Variants in ANKRD12 observed in about 807,000 individuals in gnomAD.
The protein encoded by ANKRD12 is ankyrin repeat domain-containing protein 12.
Under a neutral mutation model 183.4 loss-of-function variants are expected in ANKRD12, and 85 were observed. That is an observed-to-expected ratio of 0.46 (90% CI 0.39 to 0.56). The LOEUF is 0.56. Among genes scored for constraint, ANKRD12 ranks in the 20% least tolerant of loss-of-function variants. ANKRD12 has a pLI of 0.00. For synonymous variants in ANKRD12, 914 were observed against 800.2 expected (o/e 1.14, Z -2.40); for missense variants, 2,405 against 2,357.1 (o/e 1.02, Z -0.42).
chr18:9,148,386 C>T (rs2078565111), intron 1 of ANKRD12, among the ~76,000 whole-genome samples: 2 of 152,088 alleles, frequency 1.3e-5, no homozygotes, highest in Admixed American at 6.6e-5. Flanking sequence ...GTAAATATAA[C>T]TGCCCATATT....
At position 9,257,984 on chromosome 18, in the gene ANKRD12, T is replaced by G; in HGVS notation, c.4717T>G (p.Ser1573Ala). The G allele has an allele frequency of 6.2e-7, 1 of 1,613,774 alleles. No homozygotes were observed. The highest frequency in any genetic ancestry group is 8.5e-7 in the Non-Finnish European group (1 of 1,179,922). The change falls in exon 9 of 13, where the codon TCA (serine) becomes GCA (alanine). Residue 1573 changes from serine (S) to alanine (A), a missense_variant. Physicochemically the swap from Ser to Ala is moderately conservative, Grantham distance 99. Transcript: ENST00000262126. ...CTCTGACAGCACTATTCAAGAAGCA[T>G]CACCAAACTTTGAGAAAGCTTATAC... Reference protein sequence around the residue: ...VYSDSTIQEASPNFEKAYTLP... With the variant: ...VYSDSTIQEAAPNFEKAYTLP...
At chr18:9,158,619 C>A (rs908662948) in intron 1 of ANKRD12, among the ~76,000 whole-genome samples, 1 of 152,202 alleles carries the variant, frequency 6.6e-6, no homozygotes, top group Non-Finnish European at 1.5e-5. Context: ...TGACTTAGCA[C>A]TATTAGCATT....
chr18:9,258,074 CATT>C lies in ANKRD12; in HGVS notation c.4810_4812del (p.Tyr1604del), dbSNP rs747631185. ...TGATGCCTCTACCCAGCTAAATACA[CATT>C]ATGCATTTAGCAAACTAACTTACAA... On this transcript the variant is annotated inframe_deletion, in exon 9 of 13. Coordinates refer to ENST00000262126, the MANE Select transcript of ANKRD12 (RefSeq NM_015208.5). 3 of 1,613,260 alleles carry C rather than the reference CATT, an allele frequency of 1.9e-6. No homozygotes were observed. The highest frequency in any genetic ancestry group is 1.7e-6 in the Non-Finnish European group (2 of 1,179,930).
At chr18:9,210,191 A>ACC (rs141585415) in intron 5 of ANKRD12, among the ~76,000 whole-genome samples, 3,844 of 152,240 alleles carry the variant, frequency 0.025, 74 homozygotes, top group Non-Finnish European at 0.033. Flanking sequence ...TTTATTCATT[A>ACC]GATAAGTCTT....
At chr18:9,147,065 C>T (rs2078516332) in intron 1 of ANKRD12, among the ~76,000 whole-genome samples, 3 of 152,104 alleles carry the variant, frequency 2.0e-5, no homozygotes. Context: ...CTTGTAGGGA[C>T]ACAACTTGCA....
At chr18:9,184,498 T>G (rs1465472376) in intron 2 of ANKRD12, among the ~76,000 whole-genome samples, 1 of 151,974 alleles carries the variant, frequency 6.6e-6, no homozygotes, top group African/African-American at 2.4e-5. Context: ...GCTCAAGCAA[T>G]CCTTCCACCT....
chr18:9,208,799 T>C lies in ANKRD12; in HGVS notation c.447T>C (p.Ser149=). 1 of 1,583,014 alleles carries C rather than the reference T, an allele frequency of 6.3e-7. No individual in the cohort carries two copies. The change falls in exon 5 of 13, where the codon AGT becomes AGC. Residue 149 remains serine, a synonymous_variant. Transcript: ENST00000262126. ...LLMQMTARDN[S]PDSTPNHPSQ... is the part of the protein sequence containing the mutation. ...TGCAGATGACAGCAAGAGACAACAG[T>C]CCAGGTGATACCTACCATCATTGAG...
At chr18:9,234,355 C>G (rs557405819) in intron 8 of ANKRD12, among the ~76,000 whole-genome samples, 1 of 152,142 alleles carries the variant, frequency 6.6e-6, no homozygotes, top group East Asian at 1.9e-4. Flanking sequence ...CGGGGGATCT[C>G]TCTCTCACAA....
Position 9,173,147 on chromosome 18 carries a change from GC to G in ANKRD12, c.-51-9234del, listed in dbSNP as rs1427366025. On this transcript the variant is annotated intron_variant, in intron 1 of 12. Coordinates refer to ENST00000262126, the MANE Select transcript of ANKRD12 (RefSeq NM_015208.5). ...TGCAGTGGCACAATCTTGGCTCACT[GC>G]AACCTCCGCCTCCCGGGTTCAAGCC... 4.0e-5 allele frequency among the ~76,000 whole-genome samples: 6 copies of G among 149,096 alleles called. No individual in the cohort carries two copies. In the East Asian group the frequency reaches 1.2e-3, roughly 30 times the overall value.
At chr18:9,186,544 G>T (rs1021278127) in intron 2 of ANKRD12, among the ~76,000 whole-genome samples, 6 of 152,096 alleles carry the variant, frequency 3.9e-5, no homozygotes, top group African/African-American at 1.4e-4. Flanking sequence ...AAAAGCTGTT[G>T]TTAGAAGTAT....
At chr18:9,223,034 TGAAAA>T (rs928025740) in intron 8 of ANKRD12, among the ~76,000 whole-genome samples, 3 of 152,002 alleles carry the variant, frequency 2.0e-5, no homozygotes, top group Admixed American at 6.6e-5. Flanking sequence ...AGATCATACT[TGAAAA>T]GGGAAAAATG....
intron 7 of ANKRD12, 58 bp downstream of exon 7, chr18:9,216,958 A>G: frequency 6.7e-7 from 1 of 1,494,268 alleles, no homozygotes; most frequent in Non-Finnish European, 9.2e-7. Context: ...ATTCAACCCA[A>G]AGTAATTTCA....
chr18:9,190,767 T>C (rs1311870006), intron 2 of ANKRD12, among the ~76,000 whole-genome samples: 1 of 152,242 alleles, frequency 6.6e-6, no homozygotes, highest in African/African-American at 2.4e-5. Context: ...TTTAGTACTT[T>C]AAAATTAAAG....
chr18:9,211,869 C>A, intron 6 of ANKRD12, 85 bp downstream of exon 6: 1 of 1,207,380 alleles, frequency 8.3e-7, no homozygotes, highest in African/African-American at 1.5e-5. Context: ...TTCTTTTATT[C>A]ATTTTGCTGA....
At chr18:9,224,757 C>A (rs571607759) in intron 8 of ANKRD12, among the ~76,000 whole-genome samples, 2 of 152,204 alleles carry the variant, frequency 1.3e-5, no homozygotes, top group Admixed American at 1.3e-4. Flanking sequence ...GCTTATAATA[C>A]TGAAAATTTA....
At chr18:9,265,910 G>T (rs2039262219) in intron 10 of ANKRD12, among the ~76,000 whole-genome samples, 1 of 152,172 alleles carries the variant, frequency 6.6e-6, no homozygotes, top group Non-Finnish European at 1.5e-5. Context: ...AATAACCAAT[G>T]CAGAGAAGTC....
intron 1 of ANKRD12, among the ~76,000 whole-genome samples, chr18:9,156,137 C>A (rs1381364009): frequency 7.0e-3 from 732 of 103,852 alleles, no homozygotes; most frequent in South Asian, 8.7e-3. Context: ...GACTCTGTCT[C>A]AAAAAAAAAA....
intron 6 of ANKRD12, among the ~76,000 whole-genome samples, chr18:9,216,006 C>T (rs1238846977): frequency 7.6e-6 from 1 of 131,852 alleles, no homozygotes; most frequent in African/African-American, 2.8e-5. Context: ...TAATTTAAGG[C>T]TGCTTTTACT....
intron 10 of ANKRD12, among the ~76,000 whole-genome samples, chr18:9,265,988 A>G (rs1201003131): frequency 6.6e-6 from 1 of 152,246 alleles, no homozygotes; most frequent in Non-Finnish European, 1.5e-5. Context: ...AAGCTTCAGT[A>G]GCCGATTTGA....
Sources: gnomAD v4.1 joint callset for allele counts (sites outside exome capture counted in the v4.1 genomes callset) on GRCh38, gnomAD v4.1.1 for gene constraint, MANE v1.5 for transcripts, NCBI Gene and HGNC (gene_info 2026-07-23, HGNC 2026-07-21) for gene names.